The following LIPA variants were observed in gnomAD, a reference collection of about 807,000 sequenced individuals.
The protein encoded by LIPA is lipase A, lysosomal acid type.
In LIPA, 26 loss-of-function variants were observed where a neutral mutation model predicts 40.6. The ratio of observed to expected loss-of-function variants is 0.64; its 90% CI spans 0.47 to 0.89. The LOEUF is 0.89. LIPA is among the 40% of genes least tolerant of loss of function. The pLI is 0.00. For synonymous variants in LIPA, 188 were observed against 168.4 expected (o/e 1.12, Z -0.90); for missense variants, 455 against 479.6 (o/e 0.95, Z 0.48).
chr10:89,252,197 C>CACA (rs1416946211), upstream of LIPA: 3 of 152,222 alleles, frequency 2.0e-5, no homozygotes, highest in Non-Finnish European at 4.4e-5. Context: ...ATTTAAAGCG[C>CACA]TTATCATTGT....
At chr10:89,367,893 G>T (rs1362091234) in intron 2 of LIPA, among the ~76,000 whole-genome samples, 1 of 152,050 alleles carries the variant, frequency 6.6e-6, no homozygotes, top group African/African-American at 2.4e-5. Context: ...ATCATAGCTC[G>T]ATGCAGCCTC....
intron 1 of LIPA, among the ~76,000 whole-genome samples, chr10:89,266,340 T>A (rs1043904777): frequency 1.6e-5 from 1 of 61,508 alleles, no homozygotes; most frequent in Non-Finnish European, 2.5e-5. Context: ...GCATATAAAT[T>A]CAGTCAAGAA....
intron 8 of LIPA, among the ~76,000 whole-genome samples, chr10:89,216,534 G>A (rs1046931130): frequency 6.6e-6 from 1 of 151,672 alleles, no homozygotes; most frequent in Admixed American, 6.6e-5. Context: ...GTGATATTTT[G>A]CAGATGGAAA....
chr10:89,319,154 T>G (rs1190797685), intron 1 of LIPA, among the ~76,000 whole-genome samples: 1 of 152,028 alleles, frequency 6.6e-6, no homozygotes, highest in African/African-American at 2.4e-5. Context: ...TTAAAAGAAC[T>G]AGAGAAGCAA....
chr10:89,307,247 G>A, intron 1 of LIPA: 1 of 1,614,032 alleles, frequency 6.2e-7, no homozygotes, highest in Non-Finnish European at 8.5e-7. Flanking sequence ...AGCAGATTCT[G>A]AGGCTTTGCA....
intron 3 of LIPA, among the ~76,000 whole-genome samples, chr10:89,230,705 T>C (rs1043761234): frequency 1.3e-5 from 2 of 152,184 alleles, no homozygotes; most frequent in African/African-American, 4.8e-5. Flanking sequence ...AAAATTAATA[T>C]AATTCCCTGA....
At chr10:89,391,554 G>A (rs565243362) in intron 2 of LIPA, among the ~76,000 whole-genome samples, 14 of 151,806 alleles carry the variant, frequency 9.2e-5, no homozygotes, top group Admixed American at 2.6e-4. Flanking sequence ...TTTTTTAGAC[G>A]GAGTCTCGCT....
chr10:89,291,534 G>A lies in LIPA; in HGVS notation c.-1-43885C>T, dbSNP rs181840266. Among the ~76,000 whole-genome samples, 16 of 152,250 alleles carry A rather than the reference G, an allele frequency of 1.1e-4. No homozygotes were observed. In the Middle Eastern group the frequency reaches 0.01, roughly 97 times the overall value. On this transcript the variant is annotated intron_variant, in intron 1 of 5. Coordinates refer to the LIPA transcript ENST00000282673. ...TACCATGATACACATGAGTTATATA[G>A]TCTTAACTAGCCTTTTGATTTTTTT...
At chr10:89,400,829 C>A (rs1324615492) in intron 2 of LIPA, among the ~76,000 whole-genome samples, 4 of 152,298 alleles carry the variant, frequency 2.6e-5, no homozygotes, top group African/African-American at 9.6e-5. Context: ...GAGCATCTTA[C>A]CTCATTCCTG....
intron 2 of LIPA, among the ~76,000 whole-genome samples, chr10:89,358,524 C>T (rs191564917): frequency 8.5e-5 from 13 of 152,232 alleles, no homozygotes; most frequent in Admixed American, 7.9e-4. Context: ...TAAAAACAAA[C>T]TAAGTGTCCA....
intron 1 of LIPA, among the ~76,000 whole-genome samples, chr10:89,261,279 A>C (rs1843205911): frequency 6.6e-6 from 1 of 152,204 alleles, no homozygotes; most frequent in African/African-American, 2.4e-5. Flanking sequence ...ATTAGTAGTC[A>C]ACAGTTAAAA....
chr10:89,327,324 T>G, intron 1 of LIPA, among the ~76,000 whole-genome samples: 1 of 151,894 alleles, frequency 6.6e-6, no homozygotes, highest in Non-Finnish European at 1.5e-5. Flanking sequence ...GCCAAGGTGG[T>G]TGGATCACCT....
intron 2 of LIPA, among the ~76,000 whole-genome samples, chr10:89,400,402 C>T (rs565477044): frequency 3.3e-4 from 51 of 152,298 alleles, no homozygotes; most frequent in East Asian, 1.3e-3. Flanking sequence ...TTCTAATCCA[C>T]GAACAAAGGA....
chr10:89,223,605 C>T, intron 7 of LIPA, 79 bp downstream of exon 7: 1 of 1,181,566 alleles, frequency 8.5e-7, no homozygotes. Context: ...GTCATTCCCA[C>T]CTCTCCCATA....
intron 1 of LIPA, among the ~76,000 whole-genome samples, chr10:89,322,994 A>C (rs562762659): frequency 6.6e-6 from 1 of 152,184 alleles, no homozygotes; most frequent in African/African-American, 2.4e-5. Context: ...CCTGGGAAAC[A>C]TTCAGGCAAG....
At chr10:89,254,357 C>A (rs1843170694), upstream of LIPA, among the ~76,000 whole-genome samples, 1 of 152,238 alleles carries the variant, frequency 6.6e-6, no homozygotes, top group South Asian at 2.1e-4. Context: ...ACTGCCAAGG[C>A]TTAGGGACTG....
chr10:89,402,494 G>A (rs1844444600), intron 2 of LIPA: 1 of 1,614,080 alleles, frequency 6.2e-7, no homozygotes, highest in Admixed American at 1.7e-5. Context: ...AAGCCCTGAA[G>A]AGCTTAAAAG....
chr10:89,402,629 G>A (rs1323654293), intron 2 of LIPA: 2 of 1,614,216 alleles, frequency 1.2e-6, no homozygotes, highest in Admixed American at 3.3e-5. Context: ...AGACTTACCT[G>A]GACAAGGTGG....
At chr10:89,215,129 G>T in intron 9 of LIPA, 68 bp from the exon 10 acceptor site, 1 of 1,132,046 alleles carries the variant, frequency 8.8e-7, no homozygotes. Flanking sequence ...ATCACAATAA[G>T]CGCAATCTCC....
Sources: allele counts gnomAD v4.1 joint callset (sites outside exome capture counted in the v4.1 genomes callset), GRCh38; gene constraint gnomAD v4.1.1; transcripts MANE v1.5; gene names NCBI Gene and HGNC (gene_info 2026-07-23, HGNC 2026-07-21).